The following NXNL2 variants were observed in gnomAD, a reference collection of about 807,000 sequenced individuals.
NXNL2 encodes the protein nucleoredoxin like 2.
NXNL2 carries 7 observed loss-of-function variants against 11.1 expected under a neutral mutation model. The ratio of observed to expected loss-of-function variants is 0.63; its 90% CI spans 0.36 to 1.18. The LOEUF (loss-of-function observed/expected upper bound fraction) is 1.18, where lower values mean the gene tolerates loss of function less well. NXNL2 is among the 50% of genes most tolerant of loss of function. The pLI is 0.02. For missense variants in NXNL2, 233 were observed against 217.7 expected (o/e 1.07, Z -0.44); for synonymous variants, 109 against 101.8 (o/e 1.07, Z -0.42).
intron 1 of NXNL2, among the ~76,000 whole-genome samples, chr9:88,583,619 G>T (rs1052844023): frequency 2.6e-5 from 4 of 152,176 alleles, no homozygotes; most frequent in African/African-American, 9.7e-5. Flanking sequence ...GCTAGACTTT[G>T]GTCGTGGTGG....
intron 1 of NXNL2, among the ~76,000 whole-genome samples, chr9:88,555,643 C>T (rs1051907200): frequency 2.0e-5 from 3 of 152,092 alleles, no homozygotes; most frequent in Admixed American, 6.5e-5. Context: ...TATACTTTTC[C>T]TGAAAGGAAA....
chr9:88,578,508 A>T (rs1161262203), downstream of NXNL2, among the ~76,000 whole-genome samples: 1 of 152,234 alleles, frequency 6.6e-6, no homozygotes. Flanking sequence ...GACATTTGGG[A>T]AATAAACATA....
chr9:88,564,183 C>T, intron 1 of NXNL2, among the ~76,000 whole-genome samples: 1 of 150,590 alleles, frequency 6.6e-6, no homozygotes, highest in Non-Finnish European at 1.5e-5. Context: ...TGCACTCCAG[C>T]CTGGGGGACA....
At chr9:88,550,151 G>C (rs1829909331) in intron 1 of NXNL2, among the ~76,000 whole-genome samples, 1 of 152,182 alleles carries the variant, frequency 6.6e-6, no homozygotes, top group Non-Finnish European at 1.5e-5. Context: ...GATCTTGCAA[G>C]AGCTCAGTCA....
Position 88,564,326 on chromosome 9 carries a change from G to A in NXNL2, c.303-6761G>A, listed in dbSNP as rs62551170. ...CTATCTATCTATCTATCTATCTATC[G>A]TCTATTTATAGCTATCATCTATTTA... is the stretch of plus-strand genomic sequence containing the variant. On this transcript the variant is annotated intron_variant, in intron 1 of 2. Coordinates refer to the NXNL2 transcript ENST00000375855. 1.7e-3 allele frequency among the ~76,000 whole-genome samples: 202 copies of A among 116,102 alleles called. 1 individual carries two copies. The highest frequency in any genetic ancestry group is 0.017 in the South Asian group (60 of 3,566). 76.2% of individuals were successfully genotyped at this position (116,102 alleles called of 152,430 possible). A position where few individuals can be genotyped will look rare whatever the true frequency, so the allele number is the denominator to read the frequency against.
chr9:88,571,536 G>C (rs1830265397), intron 2 of NXNL2, among the ~76,000 whole-genome samples: 1 of 152,186 alleles, frequency 6.6e-6, no homozygotes, highest in African/African-American at 2.4e-5. Flanking sequence ...TTTTCCTGTT[G>C]AAATTCTCTT....
intron 1 of NXNL2, among the ~76,000 whole-genome samples, chr9:88,542,945 C>T (rs550750835): frequency 3.3e-5 from 5 of 152,220 alleles, no homozygotes; most frequent in East Asian, 3.9e-4. Context: ...CAAGGAAATC[C>T]GATTACTGTC....
intron 2 of NXNL2, among the ~76,000 whole-genome samples, chr9:88,573,813 A>G (rs1219765153): frequency 6.6e-6 from 1 of 152,272 alleles, no homozygotes; most frequent in Non-Finnish European, 1.5e-5. Context: ...TTTAAAAAAG[A>G]TCTGTATAGA....
intron 1 of NXNL2, among the ~76,000 whole-genome samples, chr9:88,569,924 C>T (rs1354208632): frequency 6.6e-6 from 1 of 152,034 alleles, no homozygotes; most frequent in East Asian, 1.9e-4. Context: ...TTTTTGCCCC[C>T]AGATCTTGCC....
chr9:88,567,455 C>T (rs1018635318), intron 1 of NXNL2, among the ~76,000 whole-genome samples: 1 of 152,142 alleles, frequency 6.6e-6, no homozygotes, highest in African/African-American at 2.4e-5. Context: ...TTTTTAATGT[C>T]TATGCAGCAT....
intron 1 of NXNL2, among the ~76,000 whole-genome samples, chr9:88,555,806 C>G (rs1040866117): frequency 2.6e-5 from 4 of 152,196 alleles, no homozygotes; most frequent in African/African-American, 4.8e-5. Flanking sequence ...GCTACTGTCC[C>G]AGATCCTTCA....
chr9:88,554,351 G>A (rs923744953), intron 1 of NXNL2, among the ~76,000 whole-genome samples: 1 of 152,090 alleles, frequency 6.6e-6, no homozygotes, highest in Non-Finnish European at 1.5e-5. Flanking sequence ...GATTATAGGC[G>A]TGCACCACCA....
intron 1 of NXNL2, among the ~76,000 whole-genome samples, chr9:88,558,063 G>A (rs1415685914): frequency 2.6e-5 from 4 of 152,170 alleles, no homozygotes; most frequent in Non-Finnish European, 4.4e-5. Flanking sequence ...TGAGTCTTTT[G>A]TATGTCAATG....
downstream of NXNL2, among the ~76,000 whole-genome samples, chr9:88,546,293 A>G (rs1182848978): frequency 2.0e-5 from 3 of 151,846 alleles, no homozygotes; most frequent in Admixed American, 6.6e-5. Context: ...CTTTGGGGTG[A>G]CTAGAGGGAG....
At chr9:88,563,604 G>A (rs1160454603) in intron 1 of NXNL2, among the ~76,000 whole-genome samples, 2 of 152,140 alleles carry the variant, frequency 1.3e-5, no homozygotes, top group Non-Finnish European at 2.9e-5. Context: ...TGAGCCTTCT[G>A]AGGTTTAAAT....
chr9:88,577,455 C>T (rs911948125), downstream of NXNL2, among the ~76,000 whole-genome samples: 2 of 152,066 alleles, frequency 1.3e-5, no homozygotes, highest in African/African-American at 4.8e-5. Context: ...GGCTGCCTCA[C>T]ATGATACCAC....
At chr9:88,540,044 G>A (rs1368569934) in intron 1 of NXNL2, among the ~76,000 whole-genome samples, 6 of 151,912 alleles carry the variant, frequency 3.9e-5, no homozygotes, top group African/African-American at 1.5e-4. Flanking sequence ...AATTTTAGGT[G>A]TTGTGCGGCC....
intron 1 of NXNL2, among the ~76,000 whole-genome samples, chr9:88,550,448 C>G (rs1041548700): frequency 1.3e-5 from 2 of 152,170 alleles, no homozygotes; most frequent in African/African-American, 4.8e-5. Context: ...GCTTAAGACA[C>G]AAATTTAATG....
chr9:88,535,654 G>C lies in NXNL2; in HGVS notation c.220G>C (p.Gly74Arg), dbSNP rs974162813. 1.2e-6 allele frequency: 2 copies of C among 1,608,532 alleles called. No individual in the cohort carries two copies. Among genetic ancestry groups the C allele is most frequent in the South Asian group, 1.1e-5 (1 of 90,998 alleles). Residue 74 changes from glycine (G) to arginine (R), a missense_variant, in exon 1 of 2, where the codon GGC becomes CGC. Gly to Arg is a moderately radical substitution (Grantham distance 125). Transcript: ENST00000375854. ...PFEVVFVSADGSSQEMLDFMR... is the reference protein window; with the variant it reads ...PFEVVFVSADRSSQEMLDFMR... ...CGAAGTGGTCTTCGTGTCAGCCGACGGCAGCTCCCAGGAGATGCTGGACTT... is the reference window on the plus strand; with the variant it reads ...CGAAGTGGTCTTCGTGTCAGCCGACCGCAGCTCCCAGGAGATGCTGGACTT...
Sources: allele counts gnomAD v4.1 joint callset (sites outside exome capture counted in the v4.1 genomes callset), GRCh38; gene constraint gnomAD v4.1.1; transcripts MANE v1.5; gene names NCBI Gene and HGNC (gene_info 2026-07-23, HGNC 2026-07-21).